The following TJP1 variants were observed in gnomAD, a reference collection of about 807,000 sequenced individuals.
The protein encoded by TJP1 is tight junction protein ZO-1.
In TJP1, 43 loss-of-function variants were observed where a neutral mutation model predicts 194.2. The observed-to-expected ratio is 0.22, with a 90% CI of 0.17 to 0.29. The LOEUF (loss-of-function observed/expected upper bound fraction) is 0.29, where lower values mean the gene tolerates loss of function less well. Among genes scored for constraint, TJP1 ranks in the 10% least tolerant of loss-of-function variants. TJP1 has a pLI of 1.00. For synonymous variants in TJP1, 801 were observed against 779.0 expected (o/e 1.03, Z -0.47); for missense variants, 1,971 against 2,185.7 (o/e 0.90, Z 1.96).
chr15:29,857,426 T>C (rs1333556933), intron 2 of TJP1, among the ~76,000 whole-genome samples: 1 of 152,196 alleles, frequency 6.6e-6, no homozygotes, highest in African/African-American at 2.4e-5. Context: ...ACGTATGTAG[T>C]AGACACCTGC....
intron 1 of TJP1, among the ~76,000 whole-genome samples, chr15:29,808,068 G>A (rs2049227409): frequency 6.6e-6 from 1 of 152,142 alleles, no homozygotes; most frequent in South Asian, 2.1e-4. Flanking sequence ...AGATGTTCAA[G>A]ATCAGCCTGG....
intron 2 of TJP1, among the ~76,000 whole-genome samples, chr15:29,859,208 T>C (rs1376192615): frequency 2.0e-5 from 3 of 152,242 alleles, no homozygotes; most frequent in Non-Finnish European, 4.4e-5. Flanking sequence ...ATTTTAAACC[T>C]ATATATAGAA....
intron 2 of TJP1, among the ~76,000 whole-genome samples, chr15:29,779,763 A>C (rs2047238195): frequency 6.6e-6 from 1 of 152,228 alleles, no homozygotes; most frequent in Non-Finnish European, 1.5e-5. Flanking sequence ...AGTAGGCATG[A>C]ATGAATCTTC....
intron 13 of TJP1, 43 bp from the exon 14 acceptor site, chr15:29,732,858 G>T: frequency 6.6e-7 from 1 of 1,522,200 alleles, no homozygotes; most frequent in East Asian, 2.3e-5. Flanking sequence ...CATTTAAAAT[G>T]CAAAATGGAA....
intron 2 of TJP1, among the ~76,000 whole-genome samples, chr15:29,916,497 G>GA (rs969982069): frequency 2.4e-4 from 35 of 148,382 alleles, no homozygotes; most frequent in South Asian, 8.5e-4. Context: ...AATTAAAAAA[G>GA]AAAAAAAAAG....
At chr15:29,711,117 A>C (rs1173245626) in intron 23 of TJP1, 117 bp from the exon 24 acceptor site, 1 of 1,259,884 alleles carries the variant, frequency 7.9e-7, no homozygotes, top group Non-Finnish European at 1.1e-6. Flanking sequence ...TTCACAATTT[A>C]TTCTCATGAG....
intron 18 of TJP1, among the ~76,000 whole-genome samples, 158 bp from the exon 19 acceptor site, chr15:29,720,866 C>T (rs2042886468): frequency 6.6e-6 from 1 of 152,168 alleles, no homozygotes; most frequent in Admixed American, 6.5e-5. Context: ...ATTGTACAAG[C>T]ACACACGCAG....
intron 2 of TJP1, among the ~76,000 whole-genome samples, chr15:29,870,176 A>G (rs2052463413): frequency 6.6e-6 from 1 of 151,878 alleles, no homozygotes; most frequent in South Asian, 2.1e-4. Flanking sequence ...TATAGCCCAG[A>G]GCAGAGGCTC....
intron 2 of TJP1, among the ~76,000 whole-genome samples, chr15:29,934,990 T>C (rs945173666): frequency 6.6e-6 from 1 of 152,222 alleles, no homozygotes; most frequent in African/African-American, 2.4e-5. Flanking sequence ...AGCAAGGCCA[T>C]CAGAGGGAAA....
rs2041529951 is a variant in TJP1 at position 29,701,383 on chromosome 15, A to T, written c.*212T>A. On this transcript the variant is annotated 3_prime_UTR_variant, in exon 28 of 28. Coordinates refer to ENST00000614355, the MANE Select transcript of TJP1 (RefSeq NM_001330239.4). ...ATCTTTGAACCTCTAGCCAATACCAACAGTCCCGTCAATCACAAACATGCA... is the reference window on the plus strand; with the variant it reads ...ATCTTTGAACCTCTAGCCAATACCATCAGTCCCGTCAATCACAAACATGCA... 2.2e-6 allele frequency: 1 copy of T among 452,302 alleles called. No individual in the cohort carries two copies. The highest frequency in any genetic ancestry group is 3.9e-6 in the Non-Finnish European group (1 of 254,004). 28.0% of individuals were successfully genotyped at this position (452,302 alleles called of 1,614,324 possible).
chr15:29,791,413 C>CTTT (rs34201715), intron 2 of TJP1, among the ~76,000 whole-genome samples: 1,527 of 51,236 alleles, frequency 0.03, 69 homozygotes, highest in African/African-American at 0.048. Flanking sequence ...CCATAATATT[C>CTTT]TTTTTTTTTT....
chr15:29,782,106 A>C (rs2047402969), intron 2 of TJP1, among the ~76,000 whole-genome samples: 1 of 152,208 alleles, frequency 6.6e-6, no homozygotes, highest in Non-Finnish European at 1.5e-5. Flanking sequence ...TAAGCTGATA[A>C]AATAACTTCA....
At chr15:29,732,190 T>C (rs2043709409) in intron 15 of TJP1, 1 of 504,942 alleles carries the variant, frequency 2.0e-6, no homozygotes, top group Admixed American at 3.4e-5. Context: ...TTCAATGACA[T>C]TGTATGTTAT....
chr15:29,725,332 C>T (rs2043174993), intron 18 of TJP1, among the ~76,000 whole-genome samples: 1 of 152,134 alleles, frequency 6.6e-6, no homozygotes, highest in Non-Finnish European at 1.5e-5. Context: ...GTGTTAACAG[C>T]TCTCCTTGCA....
intron 25 of TJP1, among the ~76,000 whole-genome samples, chr15:29,705,976 G>A (rs1263781588): frequency 6.6e-6 from 1 of 152,164 alleles, no homozygotes; most frequent in Non-Finnish European, 1.5e-5. Flanking sequence ...CTGTCGCCCA[G>A]GCTGGAGTGC....
chr15:29,833,877 ATATATTT>A (rs1467032970), intron 2 of TJP1, among the ~76,000 whole-genome samples: 12 of 14,438 alleles, frequency 8.3e-4, no homozygotes, highest in Middle Eastern at 0.045. Context: ...ATATATATAT[ATATATTT>A]TTTTTTTTTT....
intron 1 of TJP1, chr15:29,968,213 T>G (rs2056396333): frequency 1.0e-6 from 1 of 985,426 alleles, no homozygotes; most frequent in African/African-American, 1.7e-5. Flanking sequence ...CGTCCTCTAC[T>G]ATGCACTCAG....
chr15:29,742,780 G>A lies in TJP1; in HGVS notation c.1012C>T (p.Leu338Phe). The A allele has an allele frequency of 6.3e-7, 1 of 1,578,210 alleles. No homozygotes were observed. Residue 338 changes from leucine (L) to phenylalanine (F), a missense_variant and splice_region_variant, in exon 9 of 28, where the codon CTC becomes TTC. Transcript: ENST00000614355. ...ATTCTCTCTTCATCTCTACTCCGGA[G>A]ACTGTGTGTCATTAAAATAAAAAAT... is the stretch of plus-strand genomic sequence containing the variant. The part of the protein sequence containing the change: ...HSPQQPSNGS[L>F]RSRDEERISK...
At chr15:29,809,579 C>T (rs2049343797) in intron 1 of TJP1, among the ~76,000 whole-genome samples, 1 of 152,138 alleles carries the variant, frequency 6.6e-6, no homozygotes, top group Admixed American at 6.6e-5. Flanking sequence ...GGCGCGGTGG[C>T]TCACACCTGT....
Sources: allele counts gnomAD v4.1 joint callset (sites outside exome capture counted in the v4.1 genomes callset), GRCh38; gene constraint gnomAD v4.1.1; transcripts MANE v1.5; gene names NCBI Gene and HGNC (gene_info 2026-07-23, HGNC 2026-07-21).